Variants in CLIC5 observed in about 807,000 individuals in gnomAD.
The protein encoded by CLIC5 is chloride intracellular channel protein 5.
CLIC5 carries 20 observed loss-of-function variants against 24.7 expected under a neutral mutation model. The ratio of observed to expected loss-of-function variants is 0.81; its 90% CI spans 0.57 to 1.18. CLIC5 has a LOEUF of 1.18. Ranked by LOEUF, CLIC5 falls within the 50% of genes most tolerant of loss-of-function variation. CLIC5 has a pLI of 0.00. For synonymous variants in CLIC5, 159 were observed against 135.6 expected, an observed-to-expected ratio of 1.17 and a Z score of -1.20; for missense variants, 341 against 326.1, an observed-to-expected ratio of 1.05 and a Z score of -0.35.
Position 45,885,942 on chromosome 6 carries a change from A to T in CLIC5, c.624-4754T>A, listed in dbSNP as rs118114490. ...ATGAGCTCCCCATCCAGAGAAACTGATACTGCACAGGAACTTCTGTAGCAA... is the reference window on the plus strand; with the variant it reads ...ATGAGCTCCCCATCCAGAGAAACTGTTACTGCACAGGAACTTCTGTAGCAA... On this transcript the variant is annotated intron_variant, in intron 6 of 6. Transcript: ENST00000644324. Among the ~76,000 whole-genome samples the T allele has an allele frequency of 2.1e-3, 318 of 152,368 alleles. 13 individuals carry two copies. The East Asian group carries it at 0.056, about 27-fold the overall frequency.
chr6:45,997,635 A>G (rs2127429891), intron 1 of CLIC5, among the ~76,000 whole-genome samples: 1 of 152,328 alleles, frequency 6.6e-6, no homozygotes, highest in Non-Finnish European at 1.5e-5. Context: ...ATACATCAAT[A>G]ACAAAATCAG....
At chr6:45,965,013 C>T (rs377251675) in intron 1 of CLIC5, among the ~76,000 whole-genome samples, 1 of 152,176 alleles carries the variant, frequency 6.6e-6, no homozygotes, top group Non-Finnish European at 1.5e-5. Flanking sequence ...GTTAAACACC[C>T]TATTTATGAA....
At chr6:46,085,912 C>G in the CLIC5 span, among the ~76,000 whole-genome samples, 6 of 152,172 alleles carry the variant, frequency 3.9e-5, no homozygotes, top group Non-Finnish European at 8.8e-5. Flanking sequence ...TCAAGTTTCC[C>G]GGCTGCTTTG....
At chr6:45,915,781 C>T (rs1221993442) in intron 4 of CLIC5, among the ~76,000 whole-genome samples, 2 of 152,134 alleles carry the variant, frequency 1.3e-5, no homozygotes, top group Non-Finnish European at 2.9e-5. Flanking sequence ...AATCGTTTTG[C>T]CCAGAATCTC....
intron 2 of CLIC5, among the ~76,000 whole-genome samples, chr6:45,954,014 G>A (rs554436447): frequency 6.6e-5 from 10 of 152,234 alleles, no homozygotes; most frequent in Admixed American, 2.0e-4. Flanking sequence ...AGTGGCTCAC[G>A]TCTGTAATCC....
chr6:45,905,776 A>G (rs1298338616), intron 5 of CLIC5, among the ~76,000 whole-genome samples: 1 of 151,770 alleles, frequency 6.6e-6, no homozygotes, highest in Non-Finnish European at 1.5e-5. Flanking sequence ...TGCTTTTGTA[A>G]CTTCATCATA....
chr6:45,954,262 G>T (rs1461115539), intron 2 of CLIC5, among the ~76,000 whole-genome samples: 12 of 118,392 alleles, frequency 1.0e-4, no homozygotes, highest in Non-Finnish European at 1.9e-4. Context: ...AACAGAGTGA[G>T]ACTCTGTCTC....
intron 6 of CLIC5, among the ~76,000 whole-genome samples, chr6:45,888,490 G>C (rs1462705217): frequency 6.6e-6 from 1 of 152,138 alleles, no homozygotes; most frequent in Non-Finnish European, 1.5e-5. Flanking sequence ...GCTAGGTAAG[G>C]AACTATGGGA....
intron 4 of CLIC5, among the ~76,000 whole-genome samples, chr6:45,939,478 A>T (rs1764057141): frequency 6.6e-6 from 1 of 152,018 alleles, no homozygotes; most frequent in Admixed American, 6.6e-5. Context: ...GTCAAGAGCC[A>T]CCACACCTGG....
chr6:45,933,089 AG>A lies in CLIC5; in HGVS notation c.406+8457del, dbSNP rs1763801006. 2.0e-5 allele frequency among the ~76,000 whole-genome samples: 3 copies of A among 152,342 alleles called. No individual in the cohort carries two copies. In the South Asian group the frequency reaches 6.2e-4, roughly 32 times the overall value. Reference sequence around the variant, plus strand: ...CAATCAATTTTTCCAGAATAAGCCCAGGGAGCTTCCAGGTTCCAGAAAGAGG... The same window carrying A: ...CAATCAATTTTTCCAGAATAAGCCCAGGAGCTTCCAGGTTCCAGAAAGAGG... On this transcript the variant is annotated intron_variant, in intron 4 of 5. Transcript: ENST00000339561.
intron 1 of CLIC5, among the ~76,000 whole-genome samples, chr6:46,034,993 T>C (rs560287044): frequency 1.3e-5 from 2 of 152,342 alleles, no homozygotes; most frequent in South Asian, 4.1e-4. Flanking sequence ...ATTGGAATTA[T>C]TGTCCTCAGC....
At chr6:45,926,558 A>G (rs1428786335) in intron 4 of CLIC5, among the ~76,000 whole-genome samples, 1 of 152,048 alleles carries the variant, frequency 6.6e-6, no homozygotes, top group Non-Finnish European at 1.5e-5. Flanking sequence ...GCCCGGCCAG[A>G]GAAACGTATT....
intron 1 of CLIC5, among the ~76,000 whole-genome samples, chr6:45,989,780 T>C (rs776386436): frequency 1.9e-4 from 29 of 152,130 alleles, no homozygotes; most frequent in Admixed American, 5.9e-4. Flanking sequence ...CCCTTTAGAA[T>C]AGGAGGCAAT....
At chr6:46,093,789 A>G in the CLIC5 span, among the ~76,000 whole-genome samples, 1 of 152,228 alleles carries the variant, frequency 6.6e-6, no homozygotes, top group African/African-American at 2.4e-5. Flanking sequence ...GTATTTATCA[A>G]AGAAAGATGA....
intron 4 of CLIC5, chr6:45,920,067 G>A: frequency 3.0e-6 from 2 of 664,102 alleles, no homozygotes; most frequent in Non-Finnish European, 3.7e-6. Flanking sequence ...GCTGCAAAAT[G>A]TTCTCATTCC....
chr6:45,930,028 C>G (rs975331977), intron 4 of CLIC5, among the ~76,000 whole-genome samples: 1 of 151,998 alleles, frequency 6.6e-6, no homozygotes, highest in African/African-American at 2.4e-5. Flanking sequence ...AGGCATGAAG[C>G]GCCTTATGAT....
chr6:45,996,631 T>A (rs1381214328), intron 1 of CLIC5, among the ~76,000 whole-genome samples: 1 of 152,184 alleles, frequency 6.6e-6, no homozygotes, highest in Non-Finnish European at 1.5e-5. Flanking sequence ...TGTTTTAATC[T>A]ACAATGAACT....
intron 1 of CLIC5, among the ~76,000 whole-genome samples, chr6:45,979,119 T>C (rs1486443597): frequency 6.6e-6 from 1 of 152,138 alleles, no homozygotes; most frequent in East Asian, 1.9e-4. Context: ...CACTGGGATA[T>C]AACCTTGGAC....
chr6:45,896,871 G>A (rs1255688415), downstream of CLIC5, among the ~76,000 whole-genome samples: 1 of 152,098 alleles, frequency 6.6e-6, no homozygotes, highest in Non-Finnish European at 1.5e-5. Context: ...AGCCTGGGAC[G>A]CCTCCTGGGT....
Sources: allele counts gnomAD v4.1 joint callset (sites outside exome capture counted in the v4.1 genomes callset), GRCh38; gene constraint gnomAD v4.1.1; transcripts MANE v1.5; gene names NCBI Gene and HGNC (gene_info 2026-07-23, HGNC 2026-07-21).